Variants in HSF2BP observed in about 807,000 individuals in gnomAD.
HSF2BP encodes heat shock transcription factor 2 binding protein.
In HSF2BP, 35 loss-of-function variants were observed where a neutral mutation model predicts 35.0. The ratio of observed to expected loss-of-function variants is 1.00; its 90% CI spans 0.76 to 1.32. The LOEUF (loss-of-function observed/expected upper bound fraction) is 1.32. Among genes scored for constraint, HSF2BP ranks in the 40% most tolerant of loss-of-function variants. The pLI is 0.00. For synonymous variants in HSF2BP, 114 were observed against 117.4 expected (o/e 0.97, Z 0.18); for missense variants, 326 against 321.7 (o/e 1.01, Z -0.10).
chr21:43,583,601 G>C (rs1259562589), intron 8 of HSF2BP, among the ~76,000 whole-genome samples: 2 of 145,904 alleles, frequency 1.4e-5, no homozygotes, highest in Non-Finnish European at 3.0e-5. Flanking sequence ...ACCTCCTGAG[G>C]GAGATGAAGG....
chr21:43,496,263 C>T, the HSF2BP span, among the ~76,000 whole-genome samples: 15 of 75,592 alleles, frequency 2.0e-4, no homozygotes, highest in Admixed American at 8.3e-4. Context: ...CAAATGGCAA[C>T]CCAAGAACAA....
chr21:43,594,856 G>A (rs906024521), intron 7 of HSF2BP, among the ~76,000 whole-genome samples: 1 of 152,150 alleles, frequency 6.6e-6, no homozygotes, highest in Admixed American at 6.5e-5. Flanking sequence ...AATCACAAAT[G>A]TTAATGAACA....
intron 7 of HSF2BP, among the ~76,000 whole-genome samples, chr21:43,611,308 A>G (rs1333991816): frequency 6.6e-6 from 1 of 152,190 alleles, no homozygotes; most frequent in Non-Finnish European, 1.5e-5. Context: ...ATGTATAGAT[A>G]TTTGTTAGCA....
At chr21:43,657,929 G>C (rs1412926071) in intron 2 of HSF2BP, 132 bp downstream of exon 2, 1 of 1,489,970 alleles carries the variant, frequency 6.7e-7, no homozygotes, top group Non-Finnish European at 8.9e-7. Flanking sequence ...CACGCCGTTA[G>C]GGGAGGAAGT....
intron 8 of HSF2BP, among the ~76,000 whole-genome samples, chr21:43,580,475 TGTTA>T (rs1374886303): frequency 1.3e-5 from 2 of 152,248 alleles, no homozygotes; most frequent in African/African-American, 4.8e-5. Flanking sequence ...TTATGTTTCT[TGTTA>T]AAGTTATCAT....
At chr21:43,644,535 C>A (rs985605646) in intron 3 of HSF2BP, 143 bp from the exon 4 acceptor site, 4 of 625,086 alleles carry the variant, frequency 6.4e-6, no homozygotes, top group Non-Finnish European at 1.1e-5. Context: ...TCTAGCCTGT[C>A]CTTGAATAAC....
At position 43,601,444 on chromosome 21, in the gene HSF2BP, G is replaced by A. The variant is rs567458057; in HGVS notation, c.693-9116C>T. Among the ~76,000 whole-genome samples the A allele has an allele frequency of 1.2e-3, 190 of 152,250 alleles. No homozygotes were observed. The Middle Eastern group carries it at 0.014, about 11-fold the overall frequency. ...GCGTGTTTTATTCTATAAATTGCCT[G>A]ATTTTTTTCTTTTGCCTATTTGTGT... On this transcript the variant is annotated intron_variant, in intron 7 of 8. Transcript: ENST00000291560.
At chr21:43,655,546 T>A (rs1296617902) in intron 3 of HSF2BP, among the ~76,000 whole-genome samples, 1 of 151,634 alleles carries the variant, frequency 6.6e-6, no homozygotes, top group Admixed American at 6.6e-5. Context: ...TAGACAGGAG[T>A]CTCTGTTGTG....
At chr21:43,607,617 A>T (rs914039722) in intron 7 of HSF2BP, among the ~76,000 whole-genome samples, 1 of 152,244 alleles carries the variant, frequency 6.6e-6, no homozygotes, top group Non-Finnish European at 1.5e-5. Context: ...TATAGAACCA[A>T]AAAAGAGCCC....
rs914375215 is a variant in HSF2BP, at chr21:43,597,599, C to A, written c.693-5271G>T. 2.0e-5 allele frequency among the ~76,000 whole-genome samples: 3 copies of A among 152,200 alleles called. No individual in the cohort carries two copies. Among genetic ancestry groups the A allele is most frequent in the Non-Finnish European group, 4.4e-5 (3 of 68,040 alleles). On this transcript the variant is annotated intron_variant, in intron 7 of 8. Transcript: ENST00000291560. The surrounding 1 kb of genome is among the most constrained non-coding windows in gnomAD (Gnocchi z 4.3). ...GCAGTGGCACAGTCATTATTCACTG[C>A]CACCTAGAATTCCTGGGCTCAAGCA...
intron 3 of HSF2BP, 129 bp downstream of exon 3, chr21:43,656,458 A>T (rs1284572232): frequency 2.3e-6 from 2 of 884,600 alleles, no homozygotes; most frequent in Non-Finnish European, 3.5e-6. Context: ...TTAGGTCATC[A>T]GACTCTCCCA....
intron 4 of HSF2BP, among the ~76,000 whole-genome samples, chr21:43,636,218 GA>G (rs930277537): frequency 1.3e-4 from 5 of 37,328 alleles, no homozygotes; most frequent in African/African-American, 7.8e-4. Context: ...GAAAAGAAAA[GA>G]AAAGAAAAGA....
chr21:43,639,717 C>T lies in HSF2BP; in HGVS notation c.291+4572G>A, dbSNP rs568343106. On this transcript the variant is annotated intron_variant, in intron 4 of 8. Coordinates refer to ENST00000291560, the MANE Select transcript of HSF2BP (RefSeq NM_007031.2). ...AAAATGGTACAGACACTCTGGAAAACAATTTGGCAATTTCTTCCAAAACTA... is the reference window on the plus strand; with the variant it reads ...AAAATGGTACAGACACTCTGGAAAATAATTTGGCAATTTCTTCCAAAACTA... Among the ~76,000 whole-genome samples the T allele has an allele frequency of 5.3e-5, 8 of 152,264 alleles. No homozygotes were observed. In the South Asian group the frequency reaches 1.5e-3, roughly 28 times the overall value.
chr21:43,601,692 C>A (rs2082054407), intron 7 of HSF2BP, among the ~76,000 whole-genome samples: 5 of 152,090 alleles, frequency 3.3e-5, no homozygotes, highest in Admixed American at 3.3e-4. Context: ...AGCTGTACCA[C>A]CTGGAAATAA....
rs372079876 is a variant in HSF2BP, at chr21:43,589,666, A to T, written c.796+2559T>A. ...CATGGTATTGGCATAATGATCCAAAAATAGATGAATGGAACAGAACAGAAT... is the reference window on the plus strand; with the variant it reads ...CATGGTATTGGCATAATGATCCAAATATAGATGAATGGAACAGAACAGAAT... On this transcript the variant is annotated intron_variant, in intron 8 of 8. Transcript: ENST00000291560. Among the ~76,000 whole-genome samples, 10 of 152,350 alleles carry T rather than the reference A, an allele frequency of 6.6e-5. No individual in the cohort carries two copies. The East Asian group carries it at 1.3e-3, about 21-fold the overall frequency.
intron 3 of HSF2BP, among the ~76,000 whole-genome samples, chr21:43,645,272 TAC>T (rs1401158419): frequency 3.3e-5 from 5 of 152,178 alleles, no homozygotes; most frequent in African/African-American, 7.2e-5. Flanking sequence ...GACTTGATAA[TAC>T]AGAGTCGGCT....
At chr21:43,646,526 C>T (rs779480997) in intron 3 of HSF2BP, among the ~76,000 whole-genome samples, 5 of 152,112 alleles carry the variant, frequency 3.3e-5, no homozygotes, top group Non-Finnish European at 7.3e-5. Flanking sequence ...TACTATTAAA[C>T]GGTATATTAC....
At chr21:43,624,895 A>T (rs1378086642) in intron 6 of HSF2BP, among the ~76,000 whole-genome samples, 1 of 152,142 alleles carries the variant, frequency 6.6e-6, no homozygotes, top group African/African-American at 2.4e-5. Context: ...CATTGATATC[A>T]ATGTGCTATC....
rs2082005060 is a variant in HSF2BP at position 43,597,885 on chromosome 21, C to G, written c.693-5557G>C. 6.6e-6 allele frequency among the ~76,000 whole-genome samples: 1 copy of G among 152,240 alleles called. No individual in the cohort carries two copies. The highest frequency in any genetic ancestry group is 6.5e-5 in the Admixed American group (1 of 15,286). ...AAGGCAAAAGGAAAAATCAGTAATA[C>G]TGACCAAGTCCATTATAAAGGGACT... On this transcript the variant is annotated intron_variant, in intron 7 of 8. Transcript: ENST00000291560. This position sits in a 1 kb window ranked among gnomAD's most constrained non-coding sequence, Gnocchi z 4.3.
Sources: gnomAD v4.1 joint callset for allele counts (sites outside exome capture counted in the v4.1 genomes callset) on GRCh38, gnomAD v4.1.1 for gene constraint, Gnocchi (gnomAD v3.1) non-coding constraint, MANE v1.5 for transcripts, NCBI Gene and HGNC (gene_info 2026-07-23, HGNC 2026-07-21) for gene names.